NR4A3: variants seen among roughly 807,000 people sequenced by gnomAD.
The protein encoded by NR4A3 is chondrosarcoma, extraskeletal myxoid, fused to EWS.
Under a neutral mutation model 55.6 loss-of-function variants are expected in NR4A3, and 13 were observed. The ratio of observed to expected loss-of-function variants is 0.23; its 90% CI spans 0.15 to 0.37. The LOEUF (loss-of-function observed/expected upper bound fraction) is 0.37. Among genes scored for constraint, NR4A3 ranks in the 10% least tolerant of loss-of-function variants. The pLI, the probability that NR4A3 is intolerant of heterozygous loss-of-function variation, is 1.00. For synonymous variants in NR4A3, 342 were observed against 357.9 expected, an observed-to-expected ratio of 0.96 and a Z score of 0.50; for missense variants, 646 against 822.8, an observed-to-expected ratio of 0.79 and a Z score of 2.63.
intron 2 of NR4A3, among the ~76,000 whole-genome samples, chr9:99,827,581 C>G (rs904498889): frequency 6.6e-5 from 10 of 152,188 alleles, no homozygotes; most frequent in Non-Finnish European, 2.9e-5. Flanking sequence ...TTTTTCTTGC[C>G]TAACTCAGGT....
At position 99,822,607 on chromosome 9, in the gene NR4A3, T is replaced by C. The variant is rs1486341683; in HGVS notation, c.-177+200T>C. Among the ~76,000 whole-genome samples the C allele has an allele frequency of 1.3e-4, 20 of 152,200 alleles. No homozygotes were observed. Among genetic ancestry groups the C allele is most frequent in the Admixed American group, 1.3e-3 (20 of 15,286 alleles). On this transcript the variant is annotated intron_variant, in intron 1 of 7. Coordinates refer to ENST00000395097, the MANE Select transcript of NR4A3 (RefSeq NM_006981.4). This position sits in a 1 kb window ranked among gnomAD's most constrained non-coding sequence, Gnocchi z 4.9. ...CCTGTAGTGGGCCCGCGGGGATCTC[T>C]GGAGCTCGTGGGATTCCTCCCCCCA...
rs774914091 is a variant in NR4A3, at chr9:99,847,591, C to T, written c.1609C>T (p.Leu537=). The T allele has an allele frequency of 6.2e-6, 10 of 1,613,998 alleles. No individual in the cohort carries two copies. The highest frequency in any genetic ancestry group is 8.5e-6 in the Non-Finnish European group (10 of 1,180,010). ...LNLDIQALAC[L]SALSMITERH... The stretch of plus-strand genomic sequence containing the variant: ...CCTTGATATCCAAGCCTTAGCCTGC[C>T]TGTCAGCACTGAGCATGATCACAGG... The change falls in exon 7 of 8, where the codon CTG becomes TTG. Residue 537 remains leucine (L), a synonymous_variant. Transcript: ENST00000395097.
rs113759045 is a variant in NR4A3 at position 99,862,386 on chromosome 9, A to G, written c.1634-1234A>G. Among the ~76,000 whole-genome samples, 326 of 151,752 alleles carry G rather than the reference A, an allele frequency of 2.1e-3. 2 individuals carry two copies. The highest frequency in any genetic ancestry group is 7.6e-3 in the African/African-American group (316 of 41,336). On this transcript the variant is annotated intron_variant, in intron 7 of 7. Coordinates refer to ENST00000395097, the MANE Select transcript of NR4A3 (RefSeq NM_006981.4). ...TGGTGAAACCCCATCTCTACTGAAAATACAAAAAATTAGCTGGGCATGGTG... is the reference window on the plus strand; with the variant it reads ...TGGTGAAACCCCATCTCTACTGAAAGTACAAAAAATTAGCTGGGCATGGTG...
chr9:99,853,202 A>T (rs970434649), intron 7 of NR4A3, among the ~76,000 whole-genome samples: 1 of 151,922 alleles, frequency 6.6e-6, no homozygotes, highest in South Asian at 2.1e-4. Context: ...AATTAGACAA[A>T]CCTTCACTGT....
intron 6 of NR4A3, among the ~76,000 whole-genome samples, chr9:99,846,620 G>A (rs1168315142): frequency 1.3e-5 from 2 of 152,176 alleles, no homozygotes; most frequent in Non-Finnish European, 1.5e-5. Flanking sequence ...ATTTGTGATA[G>A]ACTTCTGGCA....
chr9:99,828,602 G>C lies in NR4A3; in HGVS notation c.560G>C (p.Arg187Pro), dbSNP rs776081482. The C allele has an allele frequency of 7.8e-6, 12 of 1,541,004 alleles. No homozygotes were observed. The highest frequency in any genetic ancestry group is 4.0e-5 in the Admixed American group (2 of 50,568). Residue 187 changes from arginine to proline, a missense_variant, in exon 3 of 8, where the codon CGC (arginine) becomes CCC (proline). This residue lies in a region of NR4A3 where 426 missense variants were observed against 429.4 expected (regional missense o/e 0.99). Transcript: ENST00000395097. The surrounding 1 kb of genome is among the most constrained non-coding windows in gnomAD (Gnocchi z 7.7). ...GCGGTCCCCACGGTGGCCGGCGCGC[G>C]CTTCCCGCTCTTCCACTTCAAGCCC... The part of the protein sequence containing the change: ...MKAVPTVAGA[R>P]FPLFHFKPSP...
At position 99,865,221 on chromosome 9, in the gene NR4A3, C is replaced by A; in HGVS notation, c.*1354C>A. On this transcript the variant is annotated 3_prime_UTR_variant, in exon 8 of 8. Coordinates refer to ENST00000395097, the MANE Select transcript of NR4A3 (RefSeq NM_006981.4). This position sits in a 1 kb window ranked among gnomAD's most constrained non-coding sequence, Gnocchi z 4.3. ...CCTGTATTTATTGCAAGACCACCAG[C>A]TCCTGGAAGCTGAGTTACAGAGTAA... 1 of 181,452 alleles carries A rather than the reference C, an allele frequency of 5.5e-6. No homozygotes were observed. 11.2% of individuals were successfully genotyped at this position (181,452 alleles called of 1,614,324 possible). A position where few individuals can be genotyped will look rare whatever the true frequency, so the allele number is the denominator to read the frequency against.
chr9:99,833,152 T>C, intron 4 of NR4A3, 130 bp from the exon 5 acceptor site: 3 of 1,209,032 alleles, frequency 2.5e-6, no homozygotes, highest in Non-Finnish European at 3.4e-6. Flanking sequence ...TCCAAACTTA[T>C]TACCACTTTT....
intron 5 of NR4A3, 73 bp downstream of exon 5, chr9:99,833,527 G>T: frequency 2.5e-6 from 4 of 1,613,396 alleles, no homozygotes; most frequent in Non-Finnish European, 3.4e-6. Context: ...AATAAGAGTT[G>T]ATTGAATGAT....
chr9:99,845,026 C>G (rs1467651753), intron 6 of NR4A3, among the ~76,000 whole-genome samples, 178 bp downstream of exon 6: 2 of 152,160 alleles, frequency 1.3e-5, no homozygotes, highest in Non-Finnish European at 2.9e-5. Flanking sequence ...CACCAGGACC[C>G]GTGGGTTCTA....
At chr9:99,851,667 G>C (rs1827852079) in intron 7 of NR4A3, among the ~76,000 whole-genome samples, 1 of 152,232 alleles carries the variant, frequency 6.6e-6, no homozygotes, top group Admixed American at 6.5e-5. Flanking sequence ...GTAAACAGGG[G>C]GTTCCCCACA....
chr9:99,841,878 G>A (rs1827656362), intron 5 of NR4A3, among the ~76,000 whole-genome samples: 1 of 152,186 alleles, frequency 6.6e-6, no homozygotes, highest in South Asian at 2.1e-4. Flanking sequence ...GCTGAGGTGG[G>A]AGGATCGCCT....
In NR4A3 at chr9:99,822,199, C is replaced by T. The variant is rs974055797; in HGVS notation, c.-385C>T. On this transcript the variant is annotated 5_prime_UTR_variant, in exon 1 of 8. Coordinates refer to ENST00000395097, the MANE Select transcript of NR4A3 (RefSeq NM_006981.4). This position sits in a 1 kb window ranked among gnomAD's most constrained non-coding sequence, Gnocchi z 4.9. The stretch of plus-strand genomic sequence containing the variant: ...GGCATCCTCCCCCCTGGTCACAGCC[C>T]AAGCCAGGACGCCCGCGGAACCTCT... 1 of 152,432 alleles carries T rather than the reference C, an allele frequency of 6.6e-6. No homozygotes were observed. The highest frequency in any genetic ancestry group is 2.4e-5 in the African/African-American group (1 of 41,410). The allele number at this position is 152,432 out of a possible 1,614,324, so 9.4% of individuals were successfully genotyped here. A position where few individuals can be genotyped will look rare whatever the true frequency, so the allele number is the denominator to read the frequency against.
intron 7 of NR4A3, among the ~76,000 whole-genome samples, chr9:99,855,412 T>C (rs1564038704): frequency 2.0e-5 from 3 of 152,220 alleles, no homozygotes; most frequent in South Asian, 4.1e-4. Flanking sequence ...ACCACTGTTA[T>C]GATAAAAGTA....
intron 5 of NR4A3, chr9:99,833,878 C>G (rs541389034): frequency 8.0e-7 from 1 of 1,253,694 alleles, no homozygotes; most frequent in South Asian, 1.7e-5. Flanking sequence ...CATTGATTGA[C>G]CTGCTGCTTA....
intron 7 of NR4A3, among the ~76,000 whole-genome samples, chr9:99,856,523 T>A (rs1827930237): frequency 1.3e-5 from 2 of 152,166 alleles, no homozygotes; most frequent in African/African-American, 4.8e-5. Flanking sequence ...CAATACCAAT[T>A]GGGGACCCCT....
Position 99,849,056 on chromosome 9 carries a change from A to C in NR4A3, c.1633+1441A>C, listed in dbSNP as rs796516804. 6.6e-5 allele frequency among the ~76,000 whole-genome samples: 10 copies of C among 152,344 alleles called. No homozygotes were observed. In the East Asian group the frequency reaches 1.7e-3, roughly 26 times the overall value. On this transcript the variant is annotated intron_variant, in intron 7 of 7. Coordinates refer to ENST00000395097, the MANE Select transcript of NR4A3 (RefSeq NM_006981.4). Reference sequence around the variant, plus strand: ...AAACATGTTTCTCAAGCAGGTGGTGAGTTTCCAGAGCATCAAATGCAACCT... The same window carrying C: ...AAACATGTTTCTCAAGCAGGTGGTGCGTTTCCAGAGCATCAAATGCAACCT...
intron 7 of NR4A3, among the ~76,000 whole-genome samples, chr9:99,856,455 C>T (rs1827928996): frequency 6.6e-6 from 1 of 152,166 alleles, no homozygotes; most frequent in South Asian, 2.1e-4. Flanking sequence ...TGAAGCTTCA[C>T]TTGCTTGCCT....
intron 7 of NR4A3, among the ~76,000 whole-genome samples, chr9:99,847,990 G>A (rs750441381): frequency 3.3e-5 from 5 of 152,084 alleles, no homozygotes; most frequent in African/African-American, 7.2e-5. Flanking sequence ...GTGTAGCCTC[G>A]ACCACCTGGA....
Sources: allele counts gnomAD v4.1 joint callset (sites outside exome capture counted in the v4.1 genomes callset), GRCh38; gene constraint gnomAD v4.1.1; regional missense constraint gnomAD v4.1.1; non-coding constraint Gnocchi (gnomAD v3.1); transcripts MANE v1.5; gene names NCBI Gene and HGNC (gene_info 2026-07-23, HGNC 2026-07-21).